Variants in SLC44A1 observed in about 807,000 individuals in gnomAD.
SLC44A1 encodes solute carrier family 44 member 1.
In SLC44A1, 26 loss-of-function variants were observed where a neutral mutation model predicts 79.3. The observed-to-expected ratio is 0.33, with a 90% CI of 0.24 to 0.46. The LOEUF is 0.46. Ranked by LOEUF, SLC44A1 falls within the 20% of genes least tolerant of loss-of-function variation. SLC44A1 has a pLI of 1.00. For missense variants in SLC44A1, 688 were observed against 798.1 expected (o/e 0.86, Z 1.66); for synonymous variants, 263 against 286.2 (o/e 0.92, Z 0.82).
At chr9:105,318,254 C>T (rs993718440) in intron 3 of SLC44A1, among the ~76,000 whole-genome samples, 1 of 152,120 alleles carries the variant, frequency 6.6e-6, no homozygotes, top group African/African-American at 2.4e-5. Flanking sequence ...GATCTCAGCT[C>T]ACTGCAACCT....
At chr9:105,274,776 A>G (rs1242808254) in intron 1 of SLC44A1, among the ~76,000 whole-genome samples, 1 of 152,168 alleles carries the variant, frequency 6.6e-6, no homozygotes, top group African/African-American at 2.4e-5. Context: ...ACCGTGGTTA[A>G]CCTCACAACT....
At chr9:105,373,429 A>G (rs1369880899) in intron 12 of SLC44A1, among the ~76,000 whole-genome samples, 1 of 152,180 alleles carries the variant, frequency 6.6e-6, no homozygotes, top group Non-Finnish European at 1.5e-5. Flanking sequence ...GGAAAAAAAA[A>G]TCAGTCTGTG....
At chr9:105,350,855 C>G (rs148931181) in intron 5 of SLC44A1, among the ~76,000 whole-genome samples, 14 of 152,248 alleles carry the variant, frequency 9.2e-5, no homozygotes, top group Middle Eastern at 3.4e-3. Context: ...TCTTGGGTAT[C>G]CAGGGGCCTT....
chr9:105,282,564 T>C (rs1830379463), intron 1 of SLC44A1, among the ~76,000 whole-genome samples: 1 of 152,206 alleles, frequency 6.6e-6, no homozygotes, highest in Non-Finnish European at 1.5e-5. Flanking sequence ...TTTTTCTTTT[T>C]TTGAGATGGA....
intron 1 of SLC44A1, among the ~76,000 whole-genome samples, chr9:105,289,948 G>A (rs563315653): frequency 6.6e-6 from 1 of 151,838 alleles, no homozygotes; most frequent in South Asian, 2.1e-4. Context: ...TGAGTATCTG[G>A]GATTACAGGT....
intron 12 of SLC44A1, among the ~76,000 whole-genome samples, chr9:105,372,371 C>G (rs180714781): frequency 2.7e-4 from 41 of 152,134 alleles, no homozygotes; most frequent in Admixed American, 1.8e-3. Flanking sequence ...TCACTGCAAC[C>G]TCCACCTCCC....
intron 1 of SLC44A1, among the ~76,000 whole-genome samples, chr9:105,279,386 C>T (rs1377470439): frequency 3.5e-5 from 5 of 143,718 alleles, no homozygotes; most frequent in Non-Finnish European, 7.5e-5. Context: ...GGCACAATTT[C>T]GGCTCACTGC....
chr9:105,403,188 C>T (rs915540907), intron 15 of SLC44A1, among the ~76,000 whole-genome samples: 1 of 152,072 alleles, frequency 6.6e-6, no homozygotes, highest in African/African-American at 2.4e-5. Context: ...ATGCTGGACT[C>T]TGGGACTAAT....
intron 2 of SLC44A1, among the ~76,000 whole-genome samples, chr9:105,306,612 G>A (rs1427016454): frequency 7.1e-6 from 1 of 140,904 alleles, no homozygotes; most frequent in Non-Finnish European, 1.5e-5. Context: ...CTACTAAGAA[G>A]TTTAAGTGGC....
At chr9:105,431,524 T>C (rs535505258) in intron 15 of SLC44A1, among the ~76,000 whole-genome samples, 1 of 152,332 alleles carries the variant, frequency 6.6e-6, no homozygotes, top group South Asian at 2.1e-4. Flanking sequence ...AGCTGAACAC[T>C]AACTGGCCCA....
chr9:105,346,268 A>C (rs1227509342), intron 4 of SLC44A1, among the ~76,000 whole-genome samples: 3 of 152,102 alleles, frequency 2.0e-5, no homozygotes, highest in East Asian at 3.9e-4. Context: ...ATACCATCAG[A>C]GATAAGGCTA....
intron 4 of SLC44A1, among the ~76,000 whole-genome samples, chr9:105,339,231 T>C (rs906079840): frequency 4.7e-5 from 7 of 148,322 alleles, no homozygotes; most frequent in Non-Finnish European, 9.0e-5. Flanking sequence ...AGATCTACTA[T>C]AAAAAAAAAA....
At chr9:105,323,948 T>A (rs912304895) in intron 3 of SLC44A1, among the ~76,000 whole-genome samples, 4 of 152,310 alleles carry the variant, frequency 2.6e-5, no homozygotes, top group Admixed American at 2.6e-4. Flanking sequence ...CTGCAGCCAT[T>A]CTTCGACCTC....
chr9:105,423,749 C>CT (rs1228761228), intron 15 of SLC44A1, among the ~76,000 whole-genome samples: 2 of 152,218 alleles, frequency 1.3e-5, no homozygotes, highest in African/African-American at 4.8e-5. Flanking sequence ...ATTTCCCTTT[C>CT]TTTCAACTTG....
chr9:105,297,690 C>A (rs1830762827), intron 1 of SLC44A1, among the ~76,000 whole-genome samples: 1 of 152,104 alleles, frequency 6.6e-6, no homozygotes, highest in African/African-American at 2.4e-5. Flanking sequence ...CCTGTGCTTA[C>A]ATATTAAGAA....
intron 1 of SLC44A1, among the ~76,000 whole-genome samples, chr9:105,268,560 G>A (rs912563933): frequency 2.0e-5 from 3 of 151,890 alleles, no homozygotes; most frequent in African/African-American, 7.3e-5. Context: ...CTGGAATGCA[G>A]TGGCGCGATC....
intron 1 of SLC44A1, among the ~76,000 whole-genome samples, chr9:105,295,411 A>G (rs1830698512): frequency 6.6e-6 from 1 of 152,230 alleles, no homozygotes; most frequent in Admixed American, 6.5e-5. Flanking sequence ...GAAAGGGGTA[A>G]AATCACATTT....
chr9:105,390,914 C>G lies in SLC44A1; in HGVS notation c.*1858C>G. The stretch of plus-strand genomic sequence containing the variant: ...AATATCTAGTATCACCAAACAGTAT[C>G]GCTGTTCTCTTTTATTCATTTGAAA... On this transcript the variant is annotated 3_prime_UTR_variant, in exon 16 of 16. Transcript: ENST00000374720. 1 of 979,056 alleles carries G rather than the reference C, an allele frequency of 1.0e-6. No homozygotes were observed. The highest frequency in any genetic ancestry group is 1.2e-6 in the Non-Finnish European group (1 of 823,938). The allele number at this position is 979,056 out of a possible 1,614,324, so 60.6% of individuals were successfully genotyped here. A position where few individuals can be genotyped will look rare whatever the true frequency, so the allele number is the denominator to read the frequency against.
In SLC44A1 at chr9:105,389,264, G is replaced by T. The variant is rs965064029; in HGVS notation, c.*208G>T. 1.6e-6 allele frequency: 2 copies of T among 1,243,466 alleles called. No homozygotes were observed. The highest frequency in any genetic ancestry group is 2.0e-6 in the Non-Finnish European group (2 of 990,092). The allele number at this position is 1,243,466 out of a possible 1,614,324, so 77.0% of individuals were successfully genotyped here. ...TTTTATGCTTATTTTTGTCAAACAT[G>T]TACTCCTTTCATACGGGTGGCTTTT... On this transcript the variant is annotated 3_prime_UTR_variant, in exon 16 of 16. Coordinates refer to ENST00000374720, the MANE Select transcript of SLC44A1 (RefSeq NM_080546.5).
Sources: gnomAD v4.1 joint callset for allele counts (sites outside exome capture counted in the v4.1 genomes callset) on GRCh38, gnomAD v4.1.1 for gene constraint, MANE v1.5 for transcripts, NCBI Gene and HGNC (gene_info 2026-07-23, HGNC 2026-07-21) for gene names.